VPS50: variants seen among roughly 807,000 people sequenced by gnomAD.
VPS50 encodes syndetin.
In VPS50, 70 loss-of-function variants were observed where a neutral mutation model predicts 139.7. The ratio of observed to expected loss-of-function variants is 0.50; its 90% CI spans 0.41 to 0.61. The LOEUF is 0.61. VPS50 is among the 20% of genes least tolerant of loss of function. VPS50 has a pLI of 0.00. For synonymous variants in VPS50, 365 were observed against 376.7 expected, an observed-to-expected ratio of 0.97 and a Z score of 0.36; for missense variants, 921 against 1,133.7, an observed-to-expected ratio of 0.81 and a Z score of 2.69.
intron 20 of VPS50, among the ~76,000 whole-genome samples, chr7:93,319,434 G>C (rs1797534068): frequency 6.6e-6 from 1 of 152,020 alleles, no homozygotes; most frequent in African/African-American, 2.4e-5. Context: ...CTGATGAGAA[G>C]TAAATGTTTG....
intron 10 of VPS50, among the ~76,000 whole-genome samples, chr7:93,271,706 A>G (rs182862208): frequency 2.9e-4 from 44 of 151,892 alleles, no homozygotes; most frequent in Non-Finnish European, 4.9e-4. Context: ...CGTAGAAACT[A>G]AAAAGGAAGA....
chr7:93,358,042 G>A (rs73712850), intron 27 of VPS50, among the ~76,000 whole-genome samples: 2,097 of 152,250 alleles, frequency 0.014, 53 homozygotes, highest in African/African-American at 0.046. Context: ...CATCAAAGCA[G>A]TAAGAAGCAT....
intron 1 of VPS50, among the ~76,000 whole-genome samples, chr7:93,234,932 T>G (rs1206991501): frequency 7.7e-6 from 1 of 130,088 alleles, no homozygotes. Flanking sequence ...CCAGGTACTA[T>G]TCTAAGTAAA....
intron 15 of VPS50, 67 bp downstream of exon 15, chr7:93,296,903 T>G (rs752411129): frequency 2.5e-5 from 38 of 1,507,108 alleles, no homozygotes; most frequent in Admixed American, 2.1e-4. Flanking sequence ...CATGAGCTAG[T>G]GAGTTATCAT....
intron 25 of VPS50, 72 bp downstream of exon 25, chr7:93,350,105 C>T: frequency 2.9e-6 from 3 of 1,022,230 alleles, no homozygotes; most frequent in South Asian, 3.3e-5. Context: ...TGCAGTGGCT[C>T]TAAAATAGTA....
intron 2 of VPS50, among the ~76,000 whole-genome samples, chr7:93,247,896 T>C (rs1049128058): frequency 1.6e-4 from 24 of 152,008 alleles, no homozygotes; most frequent in African/African-American, 5.8e-4. Flanking sequence ...CTCTTTGTTA[T>C]TCCAATTCAT....
Position 93,263,819 on chromosome 7 carries a change from C to T in VPS50, c.659+4187C>T, listed in dbSNP as rs535309073. 2.6e-5 allele frequency among the ~76,000 whole-genome samples: 4 copies of T among 152,102 alleles called. No individual in the cohort carries two copies. In the South Asian group the frequency reaches 8.3e-4, roughly 32 times the overall value. ...TGTGTTCTGTGTCTCTGGATTCAAC[C>T]AGCTGAAAATGGAAAATATTTGGAA... On this transcript the variant is annotated intron_variant, in intron 9 of 27. Coordinates refer to ENST00000305866, the MANE Select transcript of VPS50 (RefSeq NM_017667.4).
intron 24 of VPS50, among the ~76,000 whole-genome samples, chr7:93,349,426 A>T (rs1798496956): frequency 6.6e-6 from 1 of 152,092 alleles, no homozygotes; most frequent in Non-Finnish European, 1.5e-5. Flanking sequence ...GAAACAGGTG[A>T]GTGGCATGGT....
intron 21 of VPS50, among the ~76,000 whole-genome samples, chr7:93,330,751 G>A (rs1170519103): frequency 1.6e-4 from 13 of 82,748 alleles, no homozygotes; most frequent in African/African-American, 7.0e-4. Context: ...AACAGAGCGA[G>A]ACCCTGTCTC....
chr7:93,252,191 AT>A (rs149627226), intron 2 of VPS50, among the ~76,000 whole-genome samples: 2 of 152,076 alleles, frequency 1.3e-5, no homozygotes, highest in Non-Finnish European at 2.9e-5. Flanking sequence ...GAGTACTGAG[AT>A]TTTTTTAGCA....
Position 93,232,493 on chromosome 7 carries a change from C to A in VPS50, c.26C>A (p.Thr9Asn), listed in dbSNP as rs756485309. ...ATGCAAAAAATCAAATCTCTCATGA[C>A]CCGACAGGTAAGTCGCGGCGGCTGA... Reference protein sequence around the residue: MQKIKSLMTRQGLKSPQES... With the variant: MQKIKSLMNRQGLKSPQES... The change falls in exon 1 of 28, where the codon ACC (threonine) becomes AAC (asparagine). Residue 9 changes from threonine (T) to asparagine (N), a missense_variant. By Grantham distance (65) the Thr-to-Asn change is moderately conservative. Coordinates refer to ENST00000305866, the MANE Select transcript of VPS50 (RefSeq NM_017667.4). 1.2e-6 allele frequency: 2 copies of A among 1,613,374 alleles called. No individual in the cohort carries two copies. The highest frequency in any genetic ancestry group is 1.7e-6 in the Non-Finnish European group (2 of 1,179,540).
rs1035714957 is a variant in VPS50 at position 93,347,831 on chromosome 7, TGGGGGGA to T, written c.2208-869_2208-863del. Reference sequence around the variant, plus strand: ...TCACACTCTGGGGACTGTTGTGGGGTGGGGGGAGGGGGGAGGGATAGCACTGGGAGAT... The same window carrying T: ...TCACACTCTGGGGACTGTTGTGGGGTGGGGGGAGGGATAGCACTGGGAGAT... On this transcript the variant is annotated intron_variant, in intron 23 of 27. Coordinates refer to ENST00000305866, the MANE Select transcript of VPS50 (RefSeq NM_017667.4). Among the ~76,000 whole-genome samples, 4 of 70,682 alleles carry T rather than the reference TGGGGGGA, an allele frequency of 5.7e-5. No homozygotes were observed. The Admixed American group carries it at 6.6e-4, about 12-fold the overall frequency. 46.4% of individuals were successfully genotyped at this position (70,682 alleles called of 152,430 possible). A position where few individuals can be genotyped will look rare whatever the true frequency, so the allele number is the denominator to read the frequency against.
intron 21 of VPS50, among the ~76,000 whole-genome samples, chr7:93,330,748 C>T (rs555197877): frequency 7.0e-5 from 7 of 100,454 alleles, no homozygotes; most frequent in African/African-American, 2.2e-4. Flanking sequence ...GGCAACAGAG[C>T]GAGACCCTGT....
At chr7:93,324,992 A>G (rs1797727610) in intron 21 of VPS50, among the ~76,000 whole-genome samples, 1 of 152,138 alleles carries the variant, frequency 6.6e-6, no homozygotes, top group Admixed American at 6.5e-5. Flanking sequence ...CGCCAAGTCA[A>G]TCCTAAGCCA....
intron 2 of VPS50, among the ~76,000 whole-genome samples, chr7:93,250,920 A>G (rs1172077086): frequency 6.6e-6 from 1 of 152,130 alleles, no homozygotes; most frequent in Non-Finnish European, 1.5e-5. Context: ...CAACAAACAT[A>G]TGAAAAAAAG....
At chr7:93,232,622 G>A in intron 1 of VPS50, 122 bp downstream of exon 1, 1 of 880,500 alleles carries the variant, frequency 1.1e-6, no homozygotes, top group Non-Finnish European at 1.8e-6. Flanking sequence ...GGTGTCAGGG[G>A]GACTGGGAAG....
chr7:93,261,897 A>G (rs1025302687), intron 9 of VPS50, among the ~76,000 whole-genome samples: 1 of 152,160 alleles, frequency 6.6e-6, no homozygotes, highest in Non-Finnish European at 1.5e-5. Flanking sequence ...AAGCAAAATG[A>G]AGACTGAAAA....
At chr7:93,239,749 T>C in intron 1 of VPS50, 117 bp from the exon 2 acceptor site, 1 of 585,350 alleles carries the variant, frequency 1.7e-6, no homozygotes. Context: ...CTTCCATATT[T>C]TGAAGCAGGA....
intron 22 of VPS50, among the ~76,000 whole-genome samples, chr7:93,337,370 C>T (rs1022996428): frequency 6.6e-6 from 1 of 152,088 alleles, no homozygotes; most frequent in Non-Finnish European, 1.5e-5. Flanking sequence ...GCTTTTGGCT[C>T]CTCTTGTCAT....
Sources: gnomAD v4.1 joint callset for allele counts (sites outside exome capture counted in the v4.1 genomes callset) on GRCh38, gnomAD v4.1.1 for gene constraint, MANE v1.5 for transcripts, NCBI Gene and HGNC (gene_info 2026-07-23, HGNC 2026-07-21) for gene names.